DNMT3B: variants seen among roughly 807,000 people sequenced by gnomAD.
DNMT3B encodes the protein DNA methyltransferase 3 beta, also known as DNA (cytosine-5)-methyltransferase 3B.
A neutral mutation model predicts 120.2 loss-of-function variants in DNMT3B; 37 were observed. The observed-to-expected ratio is 0.31, with a 90% CI of 0.24 to 0.40. DNMT3B has a LOEUF of 0.40. Ranked by LOEUF, DNMT3B falls within the 10% of genes least tolerant of loss-of-function variation. DNMT3B has a pLI of 1.00. For missense variants in DNMT3B, 878 were observed against 1,137.3 expected (o/e 0.77, Z 3.28); for synonymous variants, 412 against 442.8 (o/e 0.93, Z 0.87).
In DNMT3B at chr20:32,808,078, T is replaced by C. The variant is rs1982164160; in HGVS notation, c.*175T>C. ...CCACCTGACTCTTGCAGGGGTAGCC[T>C]GAGGTGCCGCCTCCTTGTGCACAAA... On this transcript the variant is annotated 3_prime_UTR_variant, in exon 23 of 23. Transcript: ENST00000328111. The C allele has an allele frequency of 9.4e-7, 1 of 1,069,352 alleles. No homozygotes were observed. The highest frequency in any genetic ancestry group is 2.2e-5 in the Admixed American group (1 of 45,226). 66.2% of individuals were successfully genotyped at this position (1,069,352 alleles called of 1,614,324 possible). A position where few individuals can be genotyped will look rare whatever the true frequency, so the allele number is the denominator to read the frequency against.
At chr20:32,779,623 T>A (rs547887708) in intron 1 of DNMT3B, among the ~76,000 whole-genome samples, 2 of 152,288 alleles carry the variant, frequency 1.3e-5, no homozygotes, top group South Asian at 4.1e-4. Flanking sequence ...GGAGTCCCCC[T>A]CCTGGTAACT....
At chr20:32,778,110 G>T (rs531266089) in intron 1 of DNMT3B, among the ~76,000 whole-genome samples, 8 of 152,296 alleles carry the variant, frequency 5.3e-5, no homozygotes, top group Admixed American at 5.2e-4. Flanking sequence ...AGGCTGAGGT[G>T]GGCAGATCAC....
chr20:32,797,691 G>C (rs1980809078), intron 14 of DNMT3B, among the ~76,000 whole-genome samples: 2 of 148,324 alleles, frequency 1.3e-5, no homozygotes, highest in South Asian at 4.2e-4. Flanking sequence ...GTGGAGTCTT[G>C]CTCTGTCACC....
chr20:32,802,132 T>C (rs1981413531), intron 19 of DNMT3B, among the ~76,000 whole-genome samples: 1 of 152,082 alleles, frequency 6.6e-6, no homozygotes, highest in Non-Finnish European at 1.5e-5. Context: ...TATTTTGTAA[T>C]AATCTGGCGT....
chr20:32,806,157 C>T, intron 21 of DNMT3B, 52 bp from the exon 22 acceptor site: 1 of 1,558,680 alleles, frequency 6.4e-7, no homozygotes, highest in South Asian at 1.1e-5. Context: ...AGCCTTGACT[C>T]CCCAGGTCCC....
chr20:32,786,098 G>T (rs1200695193), intron 4 of DNMT3B, among the ~76,000 whole-genome samples: 3 of 152,194 alleles, frequency 2.0e-5, no homozygotes, highest in Non-Finnish European at 4.4e-5. Context: ...TATCCAGGAT[G>T]ATCCTGAATT....
intron 1 of DNMT3B, among the ~76,000 whole-genome samples, chr20:32,766,463 C>A (rs1028975577): frequency 3.9e-5 from 6 of 152,142 alleles, no homozygotes; most frequent in African/African-American, 1.2e-4. Flanking sequence ...TCTGCCTCAG[C>A]CTTCCAAAGG....
intron 1 of DNMT3B, among the ~76,000 whole-genome samples, chr20:32,773,933 G>GTTTTT (rs1337412734): frequency 2.1e-5 from 1 of 47,222 alleles, no homozygotes; most frequent in South Asian, 1.2e-3. Flanking sequence ...GCCCGGCAGT[G>GTTTTT]GTTTTTTTTT....
chr20:32,773,934 G>GTTTTTTT lies in DNMT3B; in HGVS notation c.-6-6364_-6-6358dup, dbSNP rs1161730284. Among the ~76,000 whole-genome samples, 63 of 69,150 alleles carry GTTTTTTT rather than the reference G, an allele frequency of 9.1e-4. 10 individuals are homozygous for GTTTTTTT. The highest frequency in any genetic ancestry group is 2.8e-3 in the Admixed American group (12 of 4,274). 45.4% of individuals were successfully genotyped at this position (69,150 alleles called of 152,430 possible). On this transcript the variant is annotated intron_variant, in intron 1 of 22. Coordinates refer to ENST00000328111, the MANE Select transcript of DNMT3B (RefSeq NM_006892.4). ...GCATGAGCCACTGCGCCCGGCAGTG[G>GTTTTTTT]TTTTTTTTTTTTTTTTTTTTTTTTT...
chr20:32,771,536 A>T (rs986854786), intron 1 of DNMT3B, among the ~76,000 whole-genome samples: 1 of 150,796 alleles, frequency 6.6e-6, no homozygotes, highest in Non-Finnish European at 1.5e-5. Context: ...AAGGAAGCTG[A>T]GGCAGGAGAA....
chr20:32,768,364 G>A (rs896828319), intron 1 of DNMT3B, among the ~76,000 whole-genome samples: 17 of 151,892 alleles, frequency 1.1e-4, no homozygotes, highest in African/African-American at 3.6e-4. Flanking sequence ...GACTAATTTT[G>A]TATTTTTAGT....
chr20:32,766,194 A>G (rs8182693), intron 1 of DNMT3B, among the ~76,000 whole-genome samples: 6 of 152,148 alleles, frequency 3.9e-5, no homozygotes, highest in African/African-American at 1.4e-4. Context: ...AAATACAAAA[A>G]GTAGCCAGGC....
chr20:32,789,330 T>C lies in DNMT3B; in HGVS notation c.813+318T>C, dbSNP rs543536947. ...GGCCACGTGAGCAAGTACCCAAAAG[T>C]GTTCAGTGGAGAAGCCTGGAAGAGA... On this transcript the variant is annotated intron_variant, in intron 7 of 22. Coordinates refer to ENST00000328111, the MANE Select transcript of DNMT3B (RefSeq NM_006892.4). 5.7e-4 allele frequency among the ~76,000 whole-genome samples: 87 copies of C among 152,266 alleles called. 1 individual carries two copies. Among genetic ancestry groups the C allele is most frequent in the African/African-American group, 2.0e-3 (85 of 41,556 alleles).
At position 32,797,177 on chromosome 20, in the gene DNMT3B, T is replaced by C; in HGVS notation, c.1378-10T>C. ...CTCCGATTTCACTGGTGTTTCTCTC[T>C]GGCTGCCAGGATCGCTTCCTTGAGC... On this transcript the variant is annotated splice_polypyrimidine_tract_variant and intron_variant, in intron 13 of 22. Transcript: ENST00000328111. 3 of 1,613,162 alleles carry C rather than the reference T, an allele frequency of 1.9e-6. No individual in the cohort carries two copies. The highest frequency in any genetic ancestry group is 2.5e-6 in the Non-Finnish European group (3 of 1,180,036).
chr20:32,791,659 C>T lies in DNMT3B; in HGVS notation c.872C>T (p.Thr291Ile). The T allele has an allele frequency of 6.2e-7, 1 of 1,614,150 alleles. No homozygotes were observed. Among genetic ancestry groups the T allele is most frequent in the Non-Finnish European group, 8.5e-7 (1 of 1,180,010 alleles). Residue 291 changes from threonine (T) to isoleucine (I), a missense_variant, in exon 8 of 23, where the codon ACC becomes ATC. By Grantham distance (89) the Thr-to-Ile change is moderately conservative. Coordinates refer to ENST00000328111, the MANE Select transcript of DNMT3B (RefSeq NM_006892.4). ...GLFSQHFNLA[T>I]FNKLVSYRKA... is the part of the protein sequence containing the mutation. ...TTCAGCCAGCACTTTAATTTGGCCA[C>T]CTTCAATAAGCTCGTCTCCTATCGA...
At chr20:32,807,728 CT>C in intron 22 of DNMT3B, 33 bp from the exon 23 acceptor site, 2 of 1,613,214 alleles carry the variant, frequency 1.2e-6, no homozygotes, top group Non-Finnish European at 1.7e-6. Flanking sequence ...GGAGGCACTT[CT>C]GACTTGCTGT....
intron 1 of DNMT3B, among the ~76,000 whole-genome samples, chr20:32,778,602 G>T (rs1292973263): frequency 6.6e-6 from 1 of 152,208 alleles, no homozygotes; most frequent in African/African-American, 2.4e-5. Context: ...CTGCCTGGGG[G>T]CGCCACTGGG....
Position 32,808,091 on chromosome 20 carries a change from C to T in DNMT3B, c.*188C>T, listed in dbSNP as rs1982167042. 5 of 914,402 alleles carry T rather than the reference C, an allele frequency of 5.5e-6. No individual in the cohort carries two copies. The highest frequency in any genetic ancestry group is 2.3e-5 in the Admixed American group (1 of 42,578). The allele number at this position is 914,402 out of a possible 1,614,324, so 56.6% of individuals were successfully genotyped here. A position where few individuals can be genotyped will look rare whatever the true frequency, so the allele number is the denominator to read the frequency against. On this transcript the variant is annotated 3_prime_UTR_variant, in exon 23 of 23. Transcript: ENST00000328111. ...GCAGGGGTAGCCTGAGGTGCCGCCT[C>T]CTTGTGCACAAATCAGACCTGGCTG...
At chr20:32,795,863 G>A (rs1298585673) in intron 12 of DNMT3B, among the ~76,000 whole-genome samples, 169 bp downstream of exon 12, 1 of 152,218 alleles carries the variant, frequency 6.6e-6, no homozygotes, top group Non-Finnish European at 1.5e-5. Context: ...TTTATGGAAT[G>A]AGTTGCCAAT....
Sources: allele counts gnomAD v4.1 joint callset (sites outside exome capture counted in the v4.1 genomes callset), GRCh38; gene constraint gnomAD v4.1.1; transcripts MANE v1.5; gene names NCBI Gene and HGNC (gene_info 2026-07-23, HGNC 2026-07-21).